The following IQGAP2 variants were observed in gnomAD, a reference collection of about 807,000 sequenced individuals.
IQGAP2 encodes IQ motif containing GTPase activating protein 2, also known as ras GTPase-activating-like protein IQGAP2.
IQGAP2 carries 173 observed loss-of-function variants against 201.3 expected under a neutral mutation model. The ratio of observed to expected loss-of-function variants is 0.86; its 90% confidence interval spans 0.76 to 0.98. The LOEUF is 0.98. IQGAP2 is among the 50% of genes least tolerant of loss of function. The pLI is 0.00. For missense variants in IQGAP2, 1,687 were observed against 1,864.8 expected, an observed-to-expected ratio of 0.90 and a Z score of 1.76; for synonymous variants, 675 against 673.9, an observed-to-expected ratio of 1.00 and a Z score of -0.03.
At chr5:76,676,242 T>C (rs1327449413) in intron 27 of IQGAP2, among the ~76,000 whole-genome samples, 3 of 152,242 alleles carry the variant, frequency 2.0e-5, no homozygotes, top group Admixed American at 2.0e-4. Flanking sequence ...AGTGAGCCTC[T>C]TCTAAACTTG....
intron 2 of IQGAP2, among the ~76,000 whole-genome samples, chr5:76,478,568 C>T (rs915966628): frequency 6.6e-6 from 1 of 151,164 alleles, no homozygotes; most frequent in Admixed American, 6.6e-5. Flanking sequence ...GGATTACAGG[C>T]GTGAGCCAGG....
intron 2 of IQGAP2, among the ~76,000 whole-genome samples, chr5:76,467,312 A>T (rs1754834388): frequency 6.6e-6 from 1 of 152,196 alleles, no homozygotes; most frequent in African/African-American, 2.4e-5. Context: ...TTAATAGCCT[A>T]ATTTTAAAAT....
intron 2 of IQGAP2, among the ~76,000 whole-genome samples, chr5:76,546,001 T>G (rs1232647938): frequency 1.3e-5 from 2 of 152,244 alleles, no homozygotes; most frequent in African/African-American, 4.8e-5. Context: ...GTTGATTTTC[T>G]TTTTCTTAAG....
chr5:76,578,675 C>T (rs1019450882), intron 5 of IQGAP2, among the ~76,000 whole-genome samples: 6 of 152,018 alleles, frequency 3.9e-5, no homozygotes, highest in African/African-American at 1.4e-4. Context: ...AATGTATGCT[C>T]ATTGTGGAAA....
At chr5:76,691,363 A>G (rs1231542622) in intron 30 of IQGAP2, 1 of 152,248 alleles carries the variant, frequency 6.6e-6, no homozygotes. Context: ...CTAAAGAACT[A>G]GAAGTTCCCT....
intron 13 of IQGAP2, chr5:76,617,036 G>A (rs1246486160): frequency 6.5e-6 from 1 of 152,912 alleles, no homozygotes; most frequent in Non-Finnish European, 1.5e-5. Flanking sequence ...AGGGAAGATG[G>A]TGATTTAAAG....
chr5:76,553,464 G>A (rs1467810655), intron 2 of IQGAP2, among the ~76,000 whole-genome samples: 1 of 152,188 alleles, frequency 6.6e-6, no homozygotes, highest in Non-Finnish European at 1.5e-5. Flanking sequence ...GTATGATACA[G>A]ACCAAGATTT....
At chr5:76,645,045 T>C (rs1751922594) in intron 17 of IQGAP2, among the ~76,000 whole-genome samples, 1 of 151,808 alleles carries the variant, frequency 6.6e-6, no homozygotes, top group East Asian at 1.9e-4. Context: ...TTCCCCTCCC[T>C]GTGTCCATAT....
In IQGAP2 at chr5:76,669,877, C is replaced by T. The variant is rs1345704925; in HGVS notation, c.2843+1033C>T. On this transcript the variant is annotated intron_variant, in intron 23 of 35. Transcript: ENST00000274364. Reference sequence around the variant, plus strand: ...TTCTTCTTCTTCCTAGGCCGGAGTGCAATGGCATGATCTCAGCTCACTGAA... The same window carrying T: ...TTCTTCTTCTTCCTAGGCCGGAGTGTAATGGCATGATCTCAGCTCACTGAA... Among the ~76,000 whole-genome samples the T allele has an allele frequency of 6.6e-5, 10 of 152,148 alleles. No individual in the cohort carries two copies. The East Asian group carries it at 1.7e-3, about 26-fold the overall frequency.
At chr5:76,551,734 A>G (rs1436145593) in intron 2 of IQGAP2, among the ~76,000 whole-genome samples, 2 of 151,954 alleles carry the variant, frequency 1.3e-5, no homozygotes, top group East Asian at 3.9e-4. Flanking sequence ...CGTGCCTGCA[A>G]TCCCAGGCAC....
At chr5:76,671,407 A>G (rs7734335) in intron 23 of IQGAP2, among the ~76,000 whole-genome samples, 58,265 of 151,854 alleles carry the variant, frequency 0.38, 11,418 homozygotes, top group Non-Finnish European at 0.41. Flanking sequence ...ATCCAGGCCC[A>G]GAACCATGGC....
chr5:76,424,930 G>A (rs1462506032), intron 1 of IQGAP2, among the ~76,000 whole-genome samples: 1 of 152,214 alleles, frequency 6.6e-6, no homozygotes, highest in Admixed American at 6.5e-5. Context: ...GTGAAGAGGA[G>A]ACAGGCTGTG....
At chr5:76,605,684 C>T (rs1234714323) in intron 11 of IQGAP2, among the ~76,000 whole-genome samples, 1 of 152,142 alleles carries the variant, frequency 6.6e-6, no homozygotes, top group Non-Finnish European at 1.5e-5. Flanking sequence ...TATTAGGCCT[C>T]AAAGTGGCTC....
At chr5:76,615,302 G>A (rs1271682745) in intron 13 of IQGAP2, among the ~76,000 whole-genome samples, 1 of 152,128 alleles carries the variant, frequency 6.6e-6, no homozygotes, top group Non-Finnish European at 1.5e-5. Context: ...TCAGAAGTCA[G>A]CTCCTTCCAT....
intron 30 of IQGAP2, among the ~76,000 whole-genome samples, chr5:76,693,014 C>G (rs1229590901): frequency 6.6e-6 from 1 of 152,222 alleles, no homozygotes; most frequent in Non-Finnish European, 1.5e-5. Context: ...CAGGCCATAT[C>G]AGCAGCACTT....
intron 8 of IQGAP2, among the ~76,000 whole-genome samples, chr5:76,591,914 G>A (rs1746685101): frequency 6.6e-6 from 1 of 152,096 alleles, no homozygotes; most frequent in African/African-American, 2.4e-5. Context: ...ATGATGGCCG[G>A]GTTTGTCTCA....
chr5:76,580,744 C>G (rs549825996), intron 5 of IQGAP2, among the ~76,000 whole-genome samples: 1 of 152,304 alleles, frequency 6.6e-6, no homozygotes, highest in South Asian at 2.1e-4. Flanking sequence ...CTAGCACCGT[C>G]CCTGACATTC....
At chr5:76,603,144 C>G (rs1259797571) in intron 11 of IQGAP2, among the ~76,000 whole-genome samples, 2 of 152,320 alleles carry the variant, frequency 1.3e-5, no homozygotes, top group East Asian at 1.9e-4. Flanking sequence ...TGTGCTTTAG[C>G]CAAGTCCAAG....
At chr5:76,536,871 A>G (rs974654367) in intron 2 of IQGAP2, among the ~76,000 whole-genome samples, 3 of 152,202 alleles carry the variant, frequency 2.0e-5, no homozygotes, top group Admixed American at 2.0e-4. Flanking sequence ...AGCTTTGCAT[A>G]AGAGGTGTAA....
Sources: gnomAD v4.1 joint callset for allele counts (sites outside exome capture counted in the v4.1 genomes callset) on GRCh38, gnomAD v4.1.1 for gene constraint, MANE v1.5 for transcripts, NCBI Gene and HGNC (gene_info 2026-07-23, HGNC 2026-07-21) for gene names.